CRYBG2: variants seen among roughly 807,000 people sequenced by gnomAD.
CRYBG2 encodes the protein crystallin beta-gamma domain containing 2.
In CRYBG2, 106 loss-of-function variants were observed where a neutral mutation model predicts 153.4. That is an observed-to-expected ratio of 0.69 (90% CI 0.59 to 0.81). The LOEUF is 0.81. Among genes scored for constraint, CRYBG2 ranks in the 30% least tolerant of loss-of-function variants. The pLI is 0.00. For missense variants in CRYBG2, 1,996 were observed against 2,112.0 expected (o/e 0.95, Z 1.08); for synonymous variants, 851 against 877.8 (o/e 0.97, Z 0.54).
rs1289819324 is a variant in CRYBG2 at position 26,344,232 on chromosome 1, C to G, written c.2426G>C (p.Gly809Ala). The change falls in exon 2 of 20, where the codon GGG becomes GCG. Residue 809 changes from glycine (G) to alanine (A), a missense_variant. Coordinates refer to ENST00000308182, the MANE Select transcript of CRYBG2 (RefSeq NM_001039775.4). ...GGGTCCGGGGCCCAGCACCCATGGCCCCAGCTGGTCCTCCTCAATGGCAGG... is the reference window on the plus strand; with the variant it reads ...GGGTCCGGGGCCCAGCACCCATGGCGCCAGCTGGTCCTCCTCAATGGCAGG... ...TLPAIEEDQLGPWVLGPGPQE... is the reference protein window; with the variant it reads ...TLPAIEEDQLAPWVLGPGPQE... 5.9e-6 allele frequency: 9 copies of G among 1,535,046 alleles called. No individual in the cohort carries two copies. In the Admixed American group the frequency reaches 1.6e-4, roughly 27 times the overall value.
intron 10 of CRYBG2, 97 bp downstream of exon 10, chr1:26,337,156 A>G: frequency 6.4e-7 from 1 of 1,572,824 alleles, no homozygotes; most frequent in Non-Finnish European, 8.7e-7. Context: ...CAGGGAGAAC[A>G]CGGAGAGGGG....
Position 26,346,390 on chromosome 1 carries a change from A to C in CRYBG2, c.268T>G (p.Phe90Val). 1 of 1,599,658 alleles carries C rather than the reference A, an allele frequency of 6.3e-7. No individual in the cohort carries two copies. The highest frequency in any genetic ancestry group is 2.2e-5 in the East Asian group (1 of 44,866). Residue 90 changes from phenylalanine to valine, a missense_variant, in exon 2 of 20, where the codon TTC (phenylalanine) becomes GTC (valine). By Grantham distance (50) the Phe-to-Val change is conservative (BLOSUM62 -1). Transcript: ENST00000308182. This position sits in a 1 kb window ranked among gnomAD's most constrained non-coding sequence, Gnocchi z 4.9. Reference sequence around the variant, plus strand: ...GAAAAGATGGGTCCATGGCTCTGGAAGTTCTTGGAGCCAGCTGTATCCCGA... The same window carrying C: ...GAAAAGATGGGTCCATGGCTCTGGACGTTCTTGGAGCCAGCTGTATCCCGA... ...GPRDTAGSKN[F>V]QSHGPIFSKK... is the part of the protein sequence containing the mutation.
chr1:26,333,246 C>G (rs66569416), intron 14 of CRYBG2, among the ~76,000 whole-genome samples: 38,211 of 151,574 alleles, frequency 0.25, 5,187 homozygotes, highest in Non-Finnish European at 0.31. Context: ...AGGGTGAGAC[C>G]CCATGATGGG....
In CRYBG2 at chr1:26,336,312, G is replaced by A. The variant is rs1168928314; in HGVS notation, c.4071+26C>T. 19 of 1,612,804 alleles carry A rather than the reference G, an allele frequency of 1.2e-5. No homozygotes were observed. The highest frequency in any genetic ancestry group is 1.6e-5 in the Non-Finnish European group (19 of 1,179,386). On this transcript the variant is annotated intron_variant, in intron 13 of 19. Coordinates refer to ENST00000308182, the MANE Select transcript of CRYBG2 (RefSeq NM_001039775.4). The surrounding 1 kb of genome is among the most constrained non-coding windows in gnomAD (Gnocchi z 4.9). ...ATGAGGGGAGAGACGTGAGCCCAGC[G>A]GCTCCCTGCGGAGTCCCTGCCTTAC...
At chr1:26,323,056 C>T (rs2073878258) in intron 18 of CRYBG2, among the ~76,000 whole-genome samples, 1 of 151,362 alleles carries the variant, frequency 6.6e-6, no homozygotes, top group Admixed American at 6.6e-5. Flanking sequence ...GGAAAGGCTC[C>T]CCTACCATAC....
At position 26,346,437 on chromosome 1, in the gene CRYBG2, T is replaced by C. The variant is rs2074222255; in HGVS notation, c.221A>G (p.Glu74Gly). 1 of 1,602,908 alleles carries C rather than the reference T, an allele frequency of 6.2e-7. No homozygotes were observed. The highest frequency in any genetic ancestry group is 1.3e-5 in the African/African-American group (1 of 74,854). The change falls in exon 2 of 20, where the codon GAG (glutamate) becomes GGG (glycine). Residue 74 changes from glutamate to glycine, a missense_variant. Coordinates refer to ENST00000308182, the MANE Select transcript of CRYBG2 (RefSeq NM_001039775.4). The surrounding 1 kb of genome is among the most constrained non-coding windows in gnomAD (Gnocchi z 4.9). ...CCGAGGGCCCTGGCAATTCACAGTC[T>C]CTTCTTCCTGTGTTGCAAAGCCATT... The part of the protein sequence containing the change: ...EVNGFATQEE[E>G]TVNCQGPRDT...
chr1:26,352,588 C>G (rs540531201), intron 1 of CRYBG2, among the ~76,000 whole-genome samples: 1 of 152,270 alleles, frequency 6.6e-6, no homozygotes, highest in Non-Finnish European at 1.5e-5. Context: ...GCCCAGAGAA[C>G]CTTCTCCCAG....
In CRYBG2 at chr1:26,336,740, A is replaced by C; in HGVS notation, c.3912-8T>G. On this transcript the variant is annotated splice_polypyrimidine_tract_variant and splice_region_variant and intron_variant, in intron 11 of 19. Coordinates refer to ENST00000308182, the MANE Select transcript of CRYBG2 (RefSeq NM_001039775.4). This position sits in a 1 kb window ranked among gnomAD's most constrained non-coding sequence, Gnocchi z 4.9. Reference sequence around the variant, plus strand: ...TCCTGGTAGGCCACCCACCTGCAGGAAGGGCGGGGCGCGAGTCAGCTGGGA... The same window carrying C: ...TCCTGGTAGGCCACCCACCTGCAGGCAGGGCGGGGCGCGAGTCAGCTGGGA... 6.3e-7 allele frequency: 1 copy of C among 1,583,186 alleles called. No individual in the cohort carries two copies. The highest frequency in any genetic ancestry group is 8.6e-7 in the Non-Finnish European group (1 of 1,164,588).
chr1:26,336,515 T>C lies in CRYBG2; in HGVS notation c.4038+91A>G. The C allele has an allele frequency of 1.3e-6, 2 of 1,544,030 alleles. No homozygotes were observed. Among genetic ancestry groups the C allele is most frequent in the Non-Finnish European group, 1.7e-6 (2 of 1,143,564 alleles). On this transcript the variant is annotated intron_variant, in intron 12 of 19. Transcript: ENST00000308182. The surrounding 1 kb of genome is among the most constrained non-coding windows in gnomAD (Gnocchi z 4.9). Reference sequence around the variant, plus strand: ...CCGCCCCAAGCGCCCAGGCAGGTCCTCCAGCCCGCTACCTCTGCGTGGGGG... The same window carrying C: ...CCGCCCCAAGCGCCCAGGCAGGTCCCCCAGCCCGCTACCTCTGCGTGGGGG...
In CRYBG2 at chr1:26,344,631, G is replaced by A; in HGVS notation, c.2027C>T (p.Pro676Leu). 6.5e-7 allele frequency: 1 copy of A among 1,535,954 alleles called. No homozygotes were observed. The highest frequency in any genetic ancestry group is 8.7e-7 in the Non-Finnish European group (1 of 1,146,804). The change falls in exon 2 of 20, where the codon CCC becomes CTC. Residue 676 changes from proline (P) to leucine (L), a missense_variant. By Grantham distance (98) the Pro-to-Leu change is moderately conservative (BLOSUM62 -3). Transcript: ENST00000308182. ...QGPIAPATSL[P>L]KQDKGVQDSE... ...GTCCTGGACCCCCTTATCCTGTTTGGGGAGTGAGGTGGCAGGAGCAATTGG... is the reference window on the plus strand; with the variant it reads ...GTCCTGGACCCCCTTATCCTGTTTGAGGAGTGAGGTGGCAGGAGCAATTGG...
At chr1:26,337,080 G>A (rs1025050549) in intron 10 of CRYBG2, 100 bp from the exon 11 acceptor site, 2 of 1,565,820 alleles carry the variant, frequency 1.3e-6, no homozygotes, top group African/African-American at 1.3e-5. Flanking sequence ...AATTAGGGGT[G>A]AGGCTGTCAG....
intron 18 of CRYBG2, 91 bp from the exon 19 acceptor site, chr1:26,322,414 G>T: frequency 7.1e-7 from 1 of 1,414,796 alleles, no homozygotes; most frequent in South Asian, 1.4e-5. Flanking sequence ...TCTGAATCCT[G>T]GCTCTTAGGG....
At chr1:26,334,938 A>AAAAC (rs71581057) in intron 14 of CRYBG2, among the ~76,000 whole-genome samples, 27 of 151,550 alleles carry the variant, frequency 1.8e-4, no homozygotes, top group African/African-American at 2.7e-4. Context: ...ACAAACAAAC[A>AAAAC]AAACAAACAA....
chr1:26,337,161 G>A (rs1171611241), intron 10 of CRYBG2, 92 bp downstream of exon 10: 2 of 1,577,650 alleles, frequency 1.3e-6, no homozygotes, highest in African/African-American at 1.3e-5. Context: ...AGAACACGGA[G>A]AGGGGGTACA....
chr1:26,343,680 C>T lies in CRYBG2; in HGVS notation c.2913+65G>A. On this transcript the variant is annotated intron_variant, in intron 2 of 19. Transcript: ENST00000308182. This position sits in a 1 kb window ranked among gnomAD's most constrained non-coding sequence, Gnocchi z 4.1. ...CTGACTCCCAGCACCACTCTCTTCACACCACTCAAGCCTTGACCCAGGTGA... is the reference window on the plus strand; with the variant it reads ...CTGACTCCCAGCACCACTCTCTTCATACCACTCAAGCCTTGACCCAGGTGA... The T allele has an allele frequency of 7.0e-7, 1 of 1,430,930 alleles. No homozygotes were observed. Among genetic ancestry groups the T allele is most frequent in the Non-Finnish European group, 9.2e-7 (1 of 1,090,048 alleles). The allele number at this position is 1,430,930 out of a possible 1,614,324, so 88.6% of individuals were successfully genotyped here.
intron 14 of CRYBG2, among the ~76,000 whole-genome samples, chr1:26,332,893 G>T (rs2074013515): frequency 6.6e-6 from 1 of 151,284 alleles, no homozygotes; most frequent in Admixed American, 6.6e-5. Context: ...GTAATAAAAT[G>T]GAGGAGAAGG....
rs1307549942 is a variant in CRYBG2 at position 26,343,787 on chromosome 1, G to A, written c.2871C>T (p.Ser957=). 1 of 1,450,994 alleles carries A rather than the reference G, an allele frequency of 6.9e-7. No individual in the cohort carries two copies. The highest frequency in any genetic ancestry group is 2.8e-5 in the Admixed American group (1 of 35,220). 89.9% of individuals were successfully genotyped at this position (1,450,994 alleles called of 1,614,324 possible). A position where few individuals can be genotyped will look rare whatever the true frequency, so the allele number is the denominator to read the frequency against. The change falls in exon 2 of 20, where the codon TCC becomes TCT. Residue 957 remains serine (S), a synonymous_variant. Transcript: ENST00000308182. This position sits in a 1 kb window ranked among gnomAD's most constrained non-coding sequence, Gnocchi z 4.1. Reference sequence around the variant, plus strand: ...GGGAACAGGCAAGCTTCTCCGTTGGGGATGATCTTTCACTGCAAAGCAGGG... The same window carrying A: ...GGGAACAGGCAAGCTTCTCCGTTGGAGATGATCTTTCACTGCAAAGCAGGG... ...QLPLLCSERS[S]PTEKLACSLP...
intron 16 of CRYBG2, 125 bp downstream of exon 16, chr1:26,328,609 T>C (rs1482856132): frequency 7.1e-7 from 1 of 1,400,062 alleles, no homozygotes; most frequent in Non-Finnish European, 9.6e-7. Context: ...CCCTCCTTCC[T>C]GGCTTGGAGG....
At chr1:26,337,515 A>G (rs1333834911) in intron 9 of CRYBG2, 23 bp downstream of exon 9, 45 of 1,610,340 alleles carry the variant, frequency 2.8e-5, no homozygotes, top group Non-Finnish European at 3.3e-5. Context: ...GATGAAATAG[A>G]AGGAAGGGTC....
Sources: gnomAD v4.1 joint callset for allele counts (sites outside exome capture counted in the v4.1 genomes callset) on GRCh38, gnomAD v4.1.1 for gene constraint, Gnocchi (gnomAD v3.1) non-coding constraint, MANE v1.5 for transcripts, NCBI Gene and HGNC (gene_info 2026-07-23, HGNC 2026-07-21) for gene names.